The following DCC variants were observed in gnomAD, a reference collection of about 807,000 sequenced individuals.
The protein encoded by DCC is DCC netrin 1 receptor.
A neutral mutation model predicts 172.5 loss-of-function variants in DCC; 58 were observed. The ratio of observed to expected loss-of-function variants is 0.34; its 90% CI spans 0.27 to 0.42. The LOEUF is 0.42. DCC is among the 10% of genes least tolerant of loss of function. The pLI, the probability that DCC is intolerant of heterozygous loss-of-function variation, is 1.00. For synonymous variants in DCC, 709 were observed against 644.5 expected (o/e 1.10, Z -1.52); for missense variants, 1,740 against 1,791.0 (o/e 0.97, Z 0.51).
chr18:52,690,129 T>A (rs952584232), intron 1 of DCC, among the ~76,000 whole-genome samples: 2 of 152,090 alleles, frequency 1.3e-5, no homozygotes, highest in African/African-American at 2.4e-5. Context: ...GAGGGAGAAG[T>A]ACTGGGCTAA....
At chr18:53,425,463 G>A (rs962338792) in intron 21 of DCC, among the ~76,000 whole-genome samples, 1 of 149,882 alleles carries the variant, frequency 6.7e-6, no homozygotes, top group African/African-American at 2.5e-5. Flanking sequence ...GGGTTCAAGC[G>A]ATTCTCCTGC....
chr18:53,066,672 CTG>C (rs1568281945), intron 7 of DCC, among the ~76,000 whole-genome samples: 1 of 151,374 alleles, frequency 6.6e-6, no homozygotes, highest in Non-Finnish European at 1.5e-5. Flanking sequence ...TACATAAGGA[CTG>C]TACATATTTT....
At chr18:52,583,806 A>G (rs1168431250) in intron 1 of DCC, among the ~76,000 whole-genome samples, 2 of 152,212 alleles carry the variant, frequency 1.3e-5, no homozygotes, top group South Asian at 4.1e-4. Flanking sequence ...GGTTTGGAAA[A>G]AATGTTTTTA....
intron 12 of DCC, among the ~76,000 whole-genome samples, chr18:53,287,957 G>C (rs780793361): frequency 6.6e-6 from 1 of 152,046 alleles, no homozygotes; most frequent in Non-Finnish European, 1.5e-5. Flanking sequence ...TTTAAGTTTA[G>C]AAGATTTATT....
intron 11 of DCC, among the ~76,000 whole-genome samples, 167 bp from the exon 12 acceptor site, chr18:53,215,381 G>A (rs573637471): frequency 2.5e-4 from 38 of 152,084 alleles, no homozygotes; most frequent in African/African-American, 8.4e-4. Flanking sequence ...GACAAATACA[G>A]TTATTTTTCA....
At chr18:52,993,555 A>G (rs1465870719) in intron 5 of DCC, among the ~76,000 whole-genome samples, 1 of 152,070 alleles carries the variant, frequency 6.6e-6, no homozygotes, top group Non-Finnish European at 1.5e-5. Flanking sequence ...GGCTAAGGAG[A>G]CTGTATTGTC....
intron 2 of DCC, among the ~76,000 whole-genome samples, chr18:52,875,689 C>T (rs942876502): frequency 8.5e-5 from 13 of 152,202 alleles, no homozygotes; most frequent in African/African-American, 2.9e-4. Flanking sequence ...CTCATAAACC[C>T]TGGGAGGCTT....
chr18:53,088,533 A>T (rs1470308647), intron 7 of DCC, among the ~76,000 whole-genome samples: 6 of 152,208 alleles, frequency 3.9e-5, no homozygotes, highest in Admixed American at 1.3e-4. Context: ...TAGATATACA[A>T]TCATGTCGTC....
At chr18:52,938,691 A>C (rs941039257) in intron 5 of DCC, among the ~76,000 whole-genome samples, 1 of 152,170 alleles carries the variant, frequency 6.6e-6, no homozygotes, top group Admixed American at 6.6e-5. Flanking sequence ...CTGTCAAAAT[A>C]AGTAAATAGG....
chr18:52,839,502 G>A (rs760331405), intron 2 of DCC, among the ~76,000 whole-genome samples: 1 of 152,152 alleles, frequency 6.6e-6, no homozygotes, highest in Non-Finnish European at 1.5e-5. Context: ...ATGATTGCAC[G>A]ACTAGGCAGA....
chr18:52,370,534 G>A (rs981086636), intron 1 of DCC, among the ~76,000 whole-genome samples: 2 of 152,046 alleles, frequency 1.3e-5, no homozygotes, highest in Non-Finnish European at 2.9e-5. Context: ...GGACACATTG[G>A]GGGGAACAAT....
chr18:53,429,072 A>ATATAT lies in DCC; in HGVS notation c.3164-6071_3164-6067dup, dbSNP rs1309448574. Among the ~76,000 whole-genome samples the ATATAT allele has an allele frequency of 5.7e-3, 211 of 36,738 alleles. 33 individuals are homozygous for ATATAT. The highest frequency in any genetic ancestry group is 0.013 in the African/African-American group (202 of 15,788). 24.1% of individuals were successfully genotyped at this position (36,738 alleles called of 152,430 possible). On this transcript the variant is annotated intron_variant, in intron 21 of 28. Coordinates refer to ENST00000442544, the MANE Select transcript of DCC (RefSeq NM_005215.4). Reference sequence around the variant, plus strand: ...TAATATATTATATATTTTATATATAATATATATTTTATATAATATATATTT... The same window carrying ATATAT: ...TAATATATTATATATTTTATATATAATATATTATATATTTTATATAATATATATTT...
intron 2 of DCC, among the ~76,000 whole-genome samples, chr18:52,897,223 T>C (rs1019837954): frequency 2.0e-5 from 3 of 152,208 alleles, no homozygotes; most frequent in Non-Finnish European, 4.4e-5. Flanking sequence ...GAGGATGTTA[T>C]ATTGGACAAA....
intron 1 of DCC, among the ~76,000 whole-genome samples, chr18:52,403,156 G>T (rs1240581532): frequency 6.6e-6 from 1 of 152,022 alleles, no homozygotes; most frequent in Non-Finnish European, 1.5e-5. Context: ...TTTGCCTATA[G>T]TAAAGTTTAC....
chr18:52,830,711 G>A (rs1221553110), intron 2 of DCC, among the ~76,000 whole-genome samples: 3 of 152,160 alleles, frequency 2.0e-5, no homozygotes, highest in Non-Finnish European at 4.4e-5. Flanking sequence ...AATTGTAACT[G>A]TTAATGTGAA....
intron 5 of DCC, among the ~76,000 whole-genome samples, chr18:53,057,839 A>G (rs1308529268): frequency 6.6e-6 from 1 of 152,124 alleles, no homozygotes; most frequent in East Asian, 1.9e-4. Flanking sequence ...TTTAAAAAAC[A>G]AACAAACATA....
chr18:52,750,806 C>G (rs562187134), intron 1 of DCC, among the ~76,000 whole-genome samples: 1 of 149,842 alleles, frequency 6.7e-6, no homozygotes, highest in African/African-American at 2.4e-5. Context: ...TTTTAAATGA[C>G]AGAAGATTGG....
At chr18:53,329,980 A>G (rs2057512088) in intron 14 of DCC, among the ~76,000 whole-genome samples, 1 of 152,196 alleles carries the variant, frequency 6.6e-6, no homozygotes, top group African/African-American at 2.4e-5. Flanking sequence ...ATAGTGTGAA[A>G]CTATTGCCAG....
At chr18:52,400,686 A>G (rs994528598) in intron 1 of DCC, among the ~76,000 whole-genome samples, 1 of 152,138 alleles carries the variant, frequency 6.6e-6, no homozygotes, top group African/African-American at 2.4e-5. Context: ...AAAGACTTGG[A>G]ACCAACCCAA....
Sources: gnomAD v4.1 joint callset for allele counts (sites outside exome capture counted in the v4.1 genomes callset) on GRCh38, gnomAD v4.1.1 for gene constraint, MANE v1.5 for transcripts, NCBI Gene and HGNC (gene_info 2026-07-23, HGNC 2026-07-21) for gene names.